Variants in GRIN2A observed in about 807,000 individuals in gnomAD.
GRIN2A encodes the protein glutamate receptor ionotropic, NMDA 2A.
In GRIN2A, 22 loss-of-function variants were observed where a neutral mutation model predicts 113.4. The ratio of observed to expected loss-of-function variants is 0.19; its 90% CI spans 0.14 to 0.28. GRIN2A has a LOEUF of 0.28. Among genes scored for constraint, GRIN2A ranks in the 10% least tolerant of loss-of-function variants. The pLI is 1.00. For missense variants in GRIN2A, 1,502 were observed against 1,887.0 expected, an observed-to-expected ratio of 0.80 and a Z score of 3.78; for synonymous variants, 827 against 738.4, an observed-to-expected ratio of 1.12 and a Z score of -1.94.
At chr16:10,133,469 C>T (rs531615299) in intron 2 of GRIN2A, among the ~76,000 whole-genome samples, 186 of 152,224 alleles carry the variant, frequency 1.2e-3, no homozygotes, top group Middle Eastern at 3.4e-3. Flanking sequence ...TAGCCAGGCA[C>T]GGTGCTGTGC....
intron 2 of GRIN2A, among the ~76,000 whole-genome samples, chr16:10,101,354 A>G (rs1425910352): frequency 6.6e-6 from 1 of 152,244 alleles, no homozygotes; most frequent in East Asian, 1.9e-4. Flanking sequence ...GAGAGAACAG[A>G]AACTAAAAGC....
chr16:9,970,448 T>C (rs1461110646), intron 2 of GRIN2A, among the ~76,000 whole-genome samples: 8 of 152,182 alleles, frequency 5.3e-5, no homozygotes, highest in Admixed American at 5.2e-4. Context: ...TCAGTTTATA[T>C]TTTAAAACAT....
chr16:9,771,274 T>C (rs926310712), intron 11 of GRIN2A, among the ~76,000 whole-genome samples: 8 of 152,098 alleles, frequency 5.3e-5, no homozygotes, highest in African/African-American at 1.7e-4. Context: ...ATTTACCTTG[T>C]TTTAATATTT....
At chr16:10,006,050 T>G (rs1316944718) in intron 2 of GRIN2A, among the ~76,000 whole-genome samples, 1 of 152,228 alleles carries the variant, frequency 6.6e-6, no homozygotes, top group East Asian at 1.9e-4. Flanking sequence ...GGATGTAGGC[T>G]GTTGTAATAA....
chr16:10,176,034 TCA>T (rs998987420), intron 2 of GRIN2A, among the ~76,000 whole-genome samples: 7 of 145,116 alleles, frequency 4.8e-5, no homozygotes, highest in Non-Finnish European at 9.1e-5. Context: ...AGACAAAGTC[TCA>T]CTCTGTCACC....
chr16:9,849,614 T>A lies in GRIN2A; in HGVS notation c.1328+142A>T, dbSNP rs56155349. 0.084 allele frequency: 60,932 copies of A among 726,482 alleles called. 3,642 individuals are homozygous for A. The highest frequency in any genetic ancestry group is 0.11 in the Non-Finnish European group (42,867 of 401,266). 45.0% of individuals were successfully genotyped at this position (726,482 alleles called of 1,614,324 possible). A position where few individuals can be genotyped will look rare whatever the true frequency, so the allele number is the denominator to read the frequency against. ...GGAATTTATCTAAGTCTTTTTTAAA[T>A]TGATTATTGTATTATACCTACTATA... On this transcript the variant is annotated intron_variant, in intron 5 of 12. Transcript: ENST00000330684.
At chr16:10,131,473 T>A in intron 2 of GRIN2A, among the ~76,000 whole-genome samples, 1 of 101,628 alleles carries the variant, frequency 9.8e-6, no homozygotes, top group African/African-American at 2.8e-5. Flanking sequence ...CTTATCCCAT[T>A]TTTTTTTTTT....
rs746864049 is a variant in GRIN2A, at chr16:9,918,862, CG to C, written c.1007+19096del. Among the ~76,000 whole-genome samples the C allele has an allele frequency of 1.2e-3, 186 of 151,648 alleles. 1 individual carries two copies. The highest frequency in any genetic ancestry group is 7.8e-4 in the Non-Finnish European group (53 of 67,940). On this transcript the variant is annotated intron_variant, in intron 3 of 12. Coordinates refer to ENST00000330684, the MANE Select transcript of GRIN2A (RefSeq NM_001134407.3). ...TAACTTAAACAAAATTAAACCACTA[CG>C]GGCGTTTAGTGGTTAATGTCTGAAA...
At chr16:9,922,726 C>T (rs1020220436) in intron 3 of GRIN2A, among the ~76,000 whole-genome samples, 1 of 152,176 alleles carries the variant, frequency 6.6e-6, no homozygotes, top group South Asian at 2.1e-4. Context: ...AGTAAAGAGT[C>T]GTTTTTATTT....
chr16:9,887,389 C>T (rs1054626953), intron 4 of GRIN2A, among the ~76,000 whole-genome samples: 3 of 152,158 alleles, frequency 2.0e-5, no homozygotes, highest in Non-Finnish European at 2.9e-5. Context: ...CCATAGGGAA[C>T]GTTTGCCTCC....
intron 2 of GRIN2A, among the ~76,000 whole-genome samples, chr16:10,113,480 G>A (rs1040276408): frequency 5.9e-5 from 9 of 152,306 alleles, no homozygotes; most frequent in South Asian, 2.1e-4. Context: ...ACTCACCACC[G>A]TCCCCATATA....
At chr16:9,975,183 C>T (rs2045751061) in intron 2 of GRIN2A, among the ~76,000 whole-genome samples, 2 of 152,090 alleles carry the variant, frequency 1.3e-5, no homozygotes, top group Non-Finnish European at 2.9e-5. Flanking sequence ...TGTGTAAATA[C>T]TCTAAAAATC....
intron 2 of GRIN2A, among the ~76,000 whole-genome samples, chr16:9,967,408 T>G (rs1567205854): frequency 6.6e-6 from 1 of 152,106 alleles, no homozygotes; most frequent in Admixed American, 6.5e-5. Flanking sequence ...TGCAAAGGTA[T>G]AAGAATGATA....
intron 2 of GRIN2A, among the ~76,000 whole-genome samples, chr16:9,948,857 G>A (rs2045093522): frequency 6.6e-6 from 1 of 152,204 alleles, no homozygotes; most frequent in Admixed American, 6.5e-5. Context: ...CCCAGGGTAT[G>A]CATAGCCACC....
At chr16:9,797,290 G>A (rs191689444) in intron 11 of GRIN2A, among the ~76,000 whole-genome samples, 12 of 152,308 alleles carry the variant, frequency 7.9e-5, no homozygotes, top group African/African-American at 2.9e-4. Flanking sequence ...CATTTTTGGT[G>A]TTAACCTGCT....
intron 2 of GRIN2A, among the ~76,000 whole-genome samples, chr16:9,990,874 C>A (rs750139755): frequency 5.3e-5 from 8 of 152,094 alleles, no homozygotes; most frequent in Non-Finnish European, 1.2e-4. Flanking sequence ...TGAGACCAGC[C>A]TGGCCAACAT....
chr16:10,177,382 C>T (rs2050169630), intron 2 of GRIN2A, among the ~76,000 whole-genome samples: 1 of 152,138 alleles, frequency 6.6e-6, no homozygotes, highest in Admixed American at 6.6e-5. Context: ...TCTTTGCTTC[C>T]CTGCCACCTT....
intron 4 of GRIN2A, among the ~76,000 whole-genome samples, chr16:9,850,836 A>G (rs1391298645): frequency 6.6e-6 from 1 of 152,204 alleles, no homozygotes; most frequent in Non-Finnish European, 1.5e-5. Context: ...TGAAGGCTGT[A>G]TATTTTGAAC....
At chr16:9,906,725 C>G (rs757251625) in intron 3 of GRIN2A, among the ~76,000 whole-genome samples, 1 of 152,182 alleles carries the variant, frequency 6.6e-6, no homozygotes, top group Non-Finnish European at 1.5e-5. Flanking sequence ...GATCTAGACA[C>G]GCAAGATAAC....
Sources: gnomAD v4.1 joint callset for allele counts (sites outside exome capture counted in the v4.1 genomes callset) on GRCh38, gnomAD v4.1.1 for gene constraint, MANE v1.5 for transcripts, NCBI Gene and HGNC (gene_info 2026-07-23, HGNC 2026-07-21) for gene names.